CLBA1: variants seen among roughly 807,000 people sequenced by gnomAD.
CLBA1 encodes uncharacterized protein CLBA1.
CLBA1 carries 30 observed loss-of-function variants against 28.8 expected under a neutral mutation model. That is an observed-to-expected ratio of 1.04 (90% CI 0.78 to 1.41). The LOEUF is 1.41. Ranked by LOEUF, CLBA1 falls within the 40% of genes most tolerant of loss-of-function variation. CLBA1 has a pLI of 0.00. For missense variants in CLBA1, 451 were observed against 412.3 expected (o/e 1.09, Z -0.81); for synonymous variants, 160 against 152.8 (o/e 1.05, Z -0.35).
At chr14:104,991,788 C>T (rs529701857) in intron 3 of CLBA1, among the ~76,000 whole-genome samples, 168 bp downstream of exon 3, 12 of 152,206 alleles carry the variant, frequency 7.9e-5, no homozygotes, top group South Asian at 6.2e-4. Flanking sequence ...GGATGACTCC[C>T]GAATGCTTGA....
At chr14:104,988,180 G>A (rs913978377) in intron 1 of CLBA1, among the ~76,000 whole-genome samples, 1 of 152,014 alleles carries the variant, frequency 6.6e-6, no homozygotes, top group Non-Finnish European at 1.5e-5. Flanking sequence ...CTCACACAGC[G>A]CTTAGTGCCC....
Position 104,991,528 on chromosome 14 carries a change from A to C in CLBA1, c.607A>C (p.Ile203Leu). The change falls in exon 3 of 5, where the codon ATA (isoleucine) becomes CTA (leucine). Residue 203 changes from isoleucine to leucine, a missense_variant. Physicochemically the swap from Ile to Leu is conservative, Grantham distance 5 (BLOSUM62 2). Transcript: ENST00000547315. ...SRKLWRALQS[I>L]HTTSTSQRLW... is the part of the protein sequence containing the mutation. ...AAAACTCTGGAGAGCCCTTCAGAGC[A>C]TACACACCACGTCTACTTCTCAGCG... 6.2e-7 allele frequency: 1 copy of C among 1,614,070 alleles called. No homozygotes were observed. Among genetic ancestry groups the C allele is most frequent in the Non-Finnish European group, 8.5e-7 (1 of 1,179,930 alleles).
chr14:104,991,610 C>T lies in CLBA1; in HGVS notation c.689C>T (p.Ala230Val). 6.2e-7 allele frequency: 1 copy of T among 1,612,076 alleles called. No homozygotes were observed. Among genetic ancestry groups the T allele is most frequent in the Non-Finnish European group, 8.5e-7 (1 of 1,178,984 alleles). The change falls in exon 3 of 5, where the codon GCT becomes GTT. Residue 230 changes from alanine (A) to valine (V), a missense_variant. Coordinates refer to ENST00000547315, the MANE Select transcript of CLBA1 (RefSeq NM_174891.4). ...TTCTTTCTTGTTCTCGGAATAGATG[C>T]TGCGCAGAAGGTAGGCGGTTTGGGT... ...ENFFLVLGID[A>V]AQKNLSGGQG...
intron 2 of CLBA1, chr14:104,990,711 GT>G (rs1899995919): frequency 6.6e-6 from 1 of 152,430 alleles, no homozygotes; most frequent in Non-Finnish European, 1.5e-5. Context: ...TTCACCGTTG[GT>G]TTGCTCATTT....
At chr14:104,988,021 A>G (rs142204627) in intron 1 of CLBA1, among the ~76,000 whole-genome samples, 424 of 152,198 alleles carry the variant, frequency 2.8e-3, no homozygotes, top group African/African-American at 9.0e-3. Flanking sequence ...CTTGTTTTGA[A>G]TACAGGATTT....
Position 104,986,682 on chromosome 14 carries a change from T to C in CLBA1, c.251T>C (p.Phe84Ser), listed in dbSNP as rs1057285508. 3.1e-6 allele frequency: 5 copies of C among 1,613,848 alleles called. No homozygotes were observed. Among genetic ancestry groups the C allele is most frequent in the Non-Finnish European group, 4.2e-6 (5 of 1,179,978 alleles). The change falls in exon 1 of 5, where the codon TTT becomes TCT. Residue 84 changes from phenylalanine (F) to serine (S), a missense_variant. Phe to Ser is a radical substitution (Grantham distance 155). Coordinates refer to ENST00000547315, the MANE Select transcript of CLBA1 (RefSeq NM_174891.4). ...AGCACTTGGGGGGAGTTTGAAGGCTTTCGGGAATCTTCAGCCAAGTCTGGA... is the reference window on the plus strand; with the variant it reads ...AGCACTTGGGGGGAGTTTGAAGGCTCTCGGGAATCTTCAGCCAAGTCTGGA... ...HSSTWGEFEGFRESSAKSGQF... is the reference protein window; with the variant it reads ...HSSTWGEFEGSRESSAKSGQF...
intron 2 of CLBA1, 26 bp from the exon 3 acceptor site, chr14:104,991,465 T>C (rs1900017698): frequency 6.2e-7 from 1 of 1,612,472 alleles, no homozygotes; most frequent in Non-Finnish European, 8.5e-7. Context: ...CAAGGTCACC[T>C]TTTAACAAGT....
intron 2 of CLBA1, among the ~76,000 whole-genome samples, chr14:105,000,592 T>A (rs1368852276): frequency 6.6e-6 from 1 of 151,982 alleles, no homozygotes; most frequent in Non-Finnish European, 1.5e-5. Flanking sequence ...TTTCCAAAAA[T>A]ATATATATAT....
intron 2 of CLBA1, among the ~76,000 whole-genome samples, chr14:105,001,133 T>G (rs1900259718): frequency 6.6e-6 from 1 of 151,448 alleles, no homozygotes. Flanking sequence ...CCTGAAGCAT[T>G]TATGCTAAGC....
Position 104,985,860 on chromosome 14 carries a change from C to T in CLBA1, c.-572C>T. ...CTCTCGCCCTGGTCCCGCGCGGCCC[C>T]GCCGAGGCGGCGACCAAGGTGGGTG... is the stretch of plus-strand genomic sequence containing the variant. On this transcript the variant is annotated 5_prime_UTR_variant, in exon 1 of 5. Transcript: ENST00000547315. 5.0e-6 allele frequency: 1 copy of T among 199,224 alleles called. No homozygotes were observed. Among genetic ancestry groups the T allele is most frequent in the South Asian group, 2.8e-5 (1 of 36,268 alleles). 12.3% of individuals were successfully genotyped at this position (199,224 alleles called of 1,614,324 possible).
At chr14:104,989,801 C>T (rs1212454540) in intron 2 of CLBA1, 2 of 427,848 alleles carry the variant, frequency 4.7e-6, no homozygotes, top group Admixed American at 2.4e-5. Flanking sequence ...GAGTGGGTCT[C>T]CCAGCAGCCA....
chr14:104,993,587 A>G (rs2582567), intron 4 of CLBA1: 796,568 of 985,304 alleles, frequency 0.81, 322,700 homozygotes, highest in Middle Eastern at 0.86. Flanking sequence ...GGCTCAAGGC[A>G]GAAGAGGAGA....
At chr14:104,993,128 C>A (rs1464370484) in intron 4 of CLBA1, 64 bp downstream of exon 4, 3 of 1,557,228 alleles carry the variant, frequency 1.9e-6, no homozygotes, top group Non-Finnish European at 2.6e-6. Context: ...ATGTGGAGCC[C>A]TCCGCTTTCT....
chr14:104,992,106 T>TGCCGCCATGCACAC (rs1376857335), intron 3 of CLBA1, among the ~76,000 whole-genome samples: 193 of 108,744 alleles, frequency 1.8e-3, no homozygotes, highest in African/African-American at 6.5e-3. Flanking sequence ...CACCACCACA[T>TGCCGCCATGCACAC]GCCGCCATGC....
At chr14:104,999,347 A>C, downstream of CLBA1, 11 of 608,994 alleles carry the variant, frequency 1.8e-5, no homozygotes, top group Non-Finnish European at 2.1e-5. Flanking sequence ...GGCCAGGGAC[A>C]TGGCCTTCAG....
downstream of CLBA1, among the ~76,000 whole-genome samples, chr14:104,998,034 A>AAAAG (rs2140901731): frequency 6.6e-6 from 1 of 151,954 alleles, no homozygotes; most frequent in African/African-American, 2.4e-5. Flanking sequence ...GAAAGAAAAG[A>AAAAG]AAAAAATATT....
At chr14:104,991,963 C>T (rs1269966888) in intron 3 of CLBA1, among the ~76,000 whole-genome samples, 9 of 151,284 alleles carry the variant, frequency 5.9e-5, no homozygotes, top group Admixed American at 3.3e-4. Context: ...GCCACGCACA[C>T]GCCGCCACAC....
downstream of CLBA1, chr14:104,999,665 G>A (rs1900229843): frequency 6.6e-6 from 1 of 152,266 alleles, no homozygotes; most frequent in Non-Finnish European, 1.5e-5. Flanking sequence ...GCTAGTGATG[G>A]CAGCTACACA....
chr14:104,993,210 T>C (rs546318117), intron 4 of CLBA1, 146 bp downstream of exon 4: 1 of 1,496,246 alleles, frequency 6.7e-7, no homozygotes. Flanking sequence ...ATTTGTGCTA[T>C]TTAGGGCAGA....
Sources: allele counts gnomAD v4.1 joint callset (sites outside exome capture counted in the v4.1 genomes callset), GRCh38; gene constraint gnomAD v4.1.1; transcripts MANE v1.5; gene names NCBI Gene and HGNC (gene_info 2026-07-23, HGNC 2026-07-21).